The following PKHD1L1 variants were observed in gnomAD, a reference collection of about 807,000 sequenced individuals.
PKHD1L1 encodes the protein fibrocystin-L.
In PKHD1L1, 434 loss-of-function variants were observed where a neutral mutation model predicts 462.9. The ratio of observed to expected loss-of-function variants is 0.94; its 90% CI spans 0.87 to 1.02. The LOEUF (loss-of-function observed/expected upper bound fraction) is 1.02, where lower values mean the gene tolerates loss of function less well. Ranked by LOEUF, PKHD1L1 falls within the 50% of genes least tolerant of loss-of-function variation. The pLI is 0.00. For synonymous variants in PKHD1L1, 1,781 were observed against 1,750.0 expected (o/e 1.02, Z -0.44); for missense variants, 5,202 against 5,096.1 (o/e 1.02, Z -0.63).
rs1816053526 is a variant in PKHD1L1, at chr8:109,445,126, G to A, written c.5257G>A (p.Gly1753Arg). Residue 1753 changes from glycine to arginine, a missense_variant, in exon 38 of 78, where the codon GGA becomes AGA. Coordinates refer to ENST00000378402, the MANE Select transcript of PKHD1L1 (RefSeq NM_177531.6). ...YLESITPYITGVFPNSVIGSV... is the reference protein window; with the variant it reads ...YLESITPYITRVFPNSVIGSV... ...AGAAAGCATCACTCCTTACATAACA[G>A]GAGTCTTCCCAAACTCTGTCATAGG... 1.2e-6 allele frequency: 2 copies of A among 1,613,812 alleles called. No homozygotes were observed. The highest frequency in any genetic ancestry group is 2.2e-5 in the East Asian group (1 of 44,884).
At chr8:109,477,802 G>T (rs1160312112) in intron 53 of PKHD1L1, among the ~76,000 whole-genome samples, 1 of 152,154 alleles carries the variant, frequency 6.6e-6, no homozygotes, top group African/African-American at 2.4e-5. Flanking sequence ...AGCAGGTGCT[G>T]TCTCTAGAAT....
intron 7 of PKHD1L1, 75 bp from the exon 8 acceptor site, chr8:109,389,004 A>T: frequency 1.0e-6 from 1 of 956,230 alleles, no homozygotes; most frequent in Non-Finnish European, 1.6e-6. Context: ...ATTAATGAGT[A>T]GTTTTTAAGA....
intron 38 of PKHD1L1, among the ~76,000 whole-genome samples, chr8:109,447,309 A>G (rs1816201636): frequency 6.6e-6 from 1 of 152,186 alleles, no homozygotes; most frequent in African/African-American, 2.4e-5. Flanking sequence ...TAAAATAATT[A>G]TTTATATTTA....
rs72669124 is a variant in PKHD1L1, at chr8:109,532,853, A to C, written c.*2763A>C. ...CAAAAGTGCTATTTAAAATATCCCT[A>C]GCACTAATAATAACAATAATCAATA... On this transcript the variant is annotated 3_prime_UTR_variant, in exon 78 of 78. Transcript: ENST00000378402. Among the ~76,000 whole-genome samples the C allele has an allele frequency of 0.18, 27,240 of 152,142 alleles. 2,605 individuals are homozygous for C. The highest frequency in any genetic ancestry group is 0.37 in the South Asian group (1,773 of 4,820).
chr8:109,445,682 G>A (rs1383861408), intron 38 of PKHD1L1, 37 bp downstream of exon 38: 1 of 1,498,940 alleles, frequency 6.7e-7, no homozygotes, highest in Non-Finnish European at 9.1e-7. Flanking sequence ...TGATATTATA[G>A]TATCGATAAT....
rs144818316 is a variant in PKHD1L1, at chr8:109,460,751, A to G, written c.7246+915A>G. Among the ~76,000 whole-genome samples, 18 of 152,330 alleles carry G rather than the reference A, an allele frequency of 1.2e-4. No individual in the cohort carries two copies. The East Asian group carries it at 3.5e-3, about 29-fold the overall frequency. On this transcript the variant is annotated intron_variant, in intron 47 of 77. Coordinates refer to ENST00000378402, the MANE Select transcript of PKHD1L1 (RefSeq NM_177531.6). ...CCAAAATGTCAGTGATTTAAAATATAAAAGTCTATTTCCCATTCATGCTAC... is the reference window on the plus strand; with the variant it reads ...CCAAAATGTCAGTGATTTAAAATATGAAAGTCTATTTCCCATTCATGCTAC...
intron 50 of PKHD1L1, among the ~76,000 whole-genome samples, chr8:109,474,710 G>T (rs1169427611): frequency 6.6e-6 from 1 of 151,910 alleles, no homozygotes; most frequent in Admixed American, 6.6e-5. Context: ...AGTTCTTAAA[G>T]AATAAAAATG....
intron 67 of PKHD1L1, among the ~76,000 whole-genome samples, chr8:109,503,598 G>A (rs1819545816): frequency 6.6e-6 from 1 of 152,206 alleles, no homozygotes; most frequent in Non-Finnish European, 1.5e-5. Context: ...TGGATTTTAA[G>A]TATAATGGAG....
In PKHD1L1 at chr8:109,442,946, G is replaced by GT; in HGVS notation, c.4396dup (p.Ser1466PhefsTer15). 6.2e-7 allele frequency: 1 copy of GT among 1,611,368 alleles called. No homozygotes were observed. Among genetic ancestry groups the GT allele is most frequent in the Non-Finnish European group, 8.5e-7 (1 of 1,178,312 alleles). On this transcript the variant is annotated frameshift_variant and splice_region_variant, in exon 36 of 78. Transcript: ENST00000378402. LOFTEE classifies it high-confidence loss of function. Reference sequence around the variant, plus strand: ...TACGTACAATCTCATTTTATGGCAGGTTCATTTTCTTACCAATTTACTTCT... The same window carrying GT: ...TACGTACAATCTCATTTTATGGCAGGTTTCATTTTCTTACCAATTTACTTCT...
chr8:109,511,009 C>G, intron 71 of PKHD1L1, 75 bp downstream of exon 71: 1 of 1,478,310 alleles, frequency 6.8e-7, no homozygotes, highest in East Asian at 2.3e-5. Context: ...GCTTGTACCT[C>G]CTCCCCTGTT....
chr8:109,444,578 T>A, intron 37 of PKHD1L1, 83 bp from the exon 38 acceptor site: 3 of 1,280,208 alleles, frequency 2.3e-6, no homozygotes, highest in Non-Finnish European at 3.2e-6. Flanking sequence ...ACTTTTAAAA[T>A]TTGTAGTTGT....
chr8:109,465,345 T>G, intron 49 of PKHD1L1, 100 bp downstream of exon 49: 1 of 1,246,622 alleles, frequency 8.0e-7, no homozygotes, highest in East Asian at 2.5e-5. Context: ...CTTACAGATC[T>G]TACCCAATAG....
At chr8:109,512,351 C>A (rs1173682760) in intron 71 of PKHD1L1, among the ~76,000 whole-genome samples, 1 of 151,234 alleles carries the variant, frequency 6.6e-6, no homozygotes, top group East Asian at 1.9e-4. Flanking sequence ...AGTCTTTAAT[C>A]CATCTTGAAT....
chr8:109,374,883 T>C (rs1811726364), intron 2 of PKHD1L1, among the ~76,000 whole-genome samples: 1 of 152,268 alleles, frequency 6.6e-6, no homozygotes, highest in African/African-American at 2.4e-5. Context: ...GTTAGTCTGA[T>C]GGGCTTCCCT....
intron 77 of PKHD1L1, among the ~76,000 whole-genome samples, chr8:109,529,298 G>C (rs1220863822): frequency 6.6e-6 from 1 of 152,094 alleles, no homozygotes; most frequent in Non-Finnish European, 1.5e-5. Context: ...CCTTGTTCTG[G>C]CCTCTTATAG....
chr8:109,436,333 T>A lies in PKHD1L1; in HGVS notation c.3506-5T>A. 1 of 1,602,266 alleles carries A rather than the reference T, an allele frequency of 6.2e-7. No homozygotes were observed. The highest frequency in any genetic ancestry group is 1.8e-5 in the Admixed American group (1 of 57,004). ...TTGTTGTTTTTGTTTGCTTTTCTTATGAAGGTGGTACTCTACTGACTTTAT... is the reference window on the plus strand; with the variant it reads ...TTGTTGTTTTTGTTTGCTTTTCTTAAGAAGGTGGTACTCTACTGACTTTAT... On this transcript the variant is annotated splice_region_variant and splice_polypyrimidine_tract_variant and intron_variant, in intron 29 of 77. Coordinates refer to ENST00000378402, the MANE Select transcript of PKHD1L1 (RefSeq NM_177531.6).
intron 77 of PKHD1L1, among the ~76,000 whole-genome samples, chr8:109,529,791 A>G (rs1263782012): frequency 6.6e-6 from 1 of 152,140 alleles, no homozygotes; most frequent in Non-Finnish European, 1.5e-5. Flanking sequence ...AATGAATAAT[A>G]TATTACTTTT....
intron 63 of PKHD1L1, among the ~76,000 whole-genome samples, chr8:109,495,831 T>G (rs1318177762): frequency 6.6e-6 from 1 of 152,118 alleles, no homozygotes; most frequent in Non-Finnish European, 1.5e-5. Context: ...GGTGCTGCTC[T>G]TTATAGACAA....
chr8:109,380,696 T>C (rs1001081177), intron 2 of PKHD1L1, among the ~76,000 whole-genome samples: 2 of 152,224 alleles, frequency 1.3e-5, no homozygotes, highest in Non-Finnish European at 2.9e-5. Context: ...TTCCCAGCAA[T>C]ATTGAGCCCC....
Sources: gnomAD v4.1 joint callset for allele counts (sites outside exome capture counted in the v4.1 genomes callset) on GRCh38, gnomAD v4.1.1 for gene constraint, MANE v1.5 for transcripts, NCBI Gene and HGNC (gene_info 2026-07-23, HGNC 2026-07-21) for gene names.